BCKDHB: variants seen among roughly 807,000 people sequenced by gnomAD.
BCKDHB encodes 2-oxoisovalerate dehydrogenase subunit beta, mitochondrial.
A neutral mutation model predicts 48.5 loss-of-function variants in BCKDHB; 41 were observed. The observed-to-expected ratio is 0.85, with a 90% CI of 0.66 to 1.10. BCKDHB has a LOEUF of 1.10. Ranked by LOEUF, BCKDHB falls within the 50% of genes least tolerant of loss-of-function variation. The pLI, the probability that BCKDHB is intolerant of heterozygous loss-of-function variation, is 0.00. For synonymous variants in BCKDHB, 201 were observed against 174.8 expected, an observed-to-expected ratio of 1.15 and a Z score of -1.18; for missense variants, 496 against 494.2, an observed-to-expected ratio of 1.00 and a Z score of -0.03.
intron 3 of BCKDHB, among the ~76,000 whole-genome samples, chr6:80,149,950 C>T (rs537292948): frequency 8.0e-5 from 12 of 150,168 alleles, no homozygotes; most frequent in Admixed American, 5.4e-4. Context: ...GCACATTGTG[C>T]ACATGTACCC....
rs990877562 is a variant in BCKDHB, at chr6:80,190,370, T to C, written c.743-10564T>C. On this transcript the variant is annotated intron_variant, in intron 6 of 9. Transcript: ENST00000320393. Reference sequence around the variant, plus strand: ...CTTAGGGAAAGGATCAAGCTTGATATATGTTTATATTTAATACTTCTGAAA... The same window carrying C: ...CTTAGGGAAAGGATCAAGCTTGATACATGTTTATATTTAATACTTCTGAAA... Among the ~76,000 whole-genome samples, 4 of 152,344 alleles carry C rather than the reference T, an allele frequency of 2.6e-5. No homozygotes were observed. In the East Asian group the frequency reaches 7.7e-4, roughly 29 times the overall value.
Position 80,113,163 on chromosome 6 carries a change from G to A in BCKDHB, c.196+6274G>A, listed in dbSNP as rs553296469. 7.2e-4 allele frequency among the ~76,000 whole-genome samples: 109 copies of A among 152,328 alleles called. 1 individual carries two copies. Among genetic ancestry groups the A allele is most frequent in the African/African-American group, 2.4e-3 (100 of 41,584 alleles). On this transcript the variant is annotated intron_variant, in intron 1 of 9. Coordinates refer to ENST00000320393, the MANE Select transcript of BCKDHB (RefSeq NM_183050.4). Reference sequence around the variant, plus strand: ...AAACAAAGTTTAAGTCACCTGAAACGTGTGAATTCACCCTGGATGAGCTGC... The same window carrying A: ...AAACAAAGTTTAAGTCACCTGAAACATGTGAATTCACCCTGGATGAGCTGC...
chr6:80,421,208 G>T, the BCKDHB span, among the ~76,000 whole-genome samples: 1 of 152,086 alleles, frequency 6.6e-6, no homozygotes, highest in Non-Finnish European at 1.5e-5. Context: ...AGTTTCCCTT[G>T]TGTGCTCTCT....
chr6:80,449,418 G>T, the BCKDHB span, among the ~76,000 whole-genome samples: 1 of 152,080 alleles, frequency 6.6e-6, no homozygotes, highest in Non-Finnish European at 1.5e-5. Context: ...AAGGCCTTGT[G>T]CTGTTGGAGC....
the BCKDHB span, among the ~76,000 whole-genome samples, chr6:80,375,589 T>TA: frequency 6.6e-6 from 1 of 152,168 alleles, no homozygotes; most frequent in Non-Finnish European, 1.5e-5. Flanking sequence ...AAGTTGGACT[T>TA]ACCTTTTCTC....
At chr6:80,119,196 A>C (rs1405074633) in intron 1 of BCKDHB, among the ~76,000 whole-genome samples, 2 of 152,160 alleles carry the variant, frequency 1.3e-5, no homozygotes, top group Admixed American at 6.5e-5. Context: ...TGGTGTGAGA[A>C]TTGGTTGATC....
downstream of BCKDHB, chr6:80,346,288 C>A (rs1406677955): frequency 1.5e-4 from 23 of 151,228 alleles, no homozygotes; most frequent in Admixed American, 1.5e-3. Context: ...TGTATGTGTT[C>A]TTTTTTTTTC....
the BCKDHB span, among the ~76,000 whole-genome samples, chr6:80,364,569 T>C: frequency 3.3e-5 from 5 of 152,230 alleles, no homozygotes; most frequent in African/African-American, 1.2e-4. Flanking sequence ...ATTTCAGAGA[T>C]AAGTAGACTC....
the BCKDHB span, among the ~76,000 whole-genome samples, chr6:80,400,758 T>C: frequency 2.0e-5 from 3 of 151,994 alleles, no homozygotes; most frequent in Non-Finnish European, 4.4e-5. Context: ...TAAAGACACA[T>C]GCATGCATAT....
intron 8 of BCKDHB, among the ~76,000 whole-genome samples, chr6:80,270,277 A>G (rs1777681590): frequency 6.6e-6 from 1 of 152,174 alleles, no homozygotes; most frequent in African/African-American, 2.4e-5. Context: ...GAATTTTGAC[A>G]TAATACATTT....
chr6:80,296,308 C>A (rs1389206809), intron 9 of BCKDHB, among the ~76,000 whole-genome samples: 1 of 152,102 alleles, frequency 6.6e-6, no homozygotes, highest in African/African-American at 2.4e-5. Flanking sequence ...TAGGAAAAAA[C>A]CACAGTCAAA....
intron 6 of BCKDHB, among the ~76,000 whole-genome samples, chr6:80,191,834 G>A (rs1773908245): frequency 6.6e-6 from 1 of 152,192 alleles, no homozygotes; most frequent in Non-Finnish European, 1.5e-5. Context: ...GGAAGCAGGA[G>A]TCTAAAGTAG....
At chr6:80,210,874 TC>T (rs1420399217) in intron 8 of BCKDHB, among the ~76,000 whole-genome samples, 3 of 152,168 alleles carry the variant, frequency 2.0e-5, no homozygotes, top group Non-Finnish European at 4.4e-5. Flanking sequence ...TAATGGACTT[TC>T]CTGCTGACAT....
At chr6:80,423,935 A>G in the BCKDHB span, among the ~76,000 whole-genome samples, 5 of 152,334 alleles carry the variant, frequency 3.3e-5, no homozygotes, top group East Asian at 3.9e-4. Context: ...TTTAGAAAGC[A>G]TCTTTAAATG....
intron 9 of BCKDHB, among the ~76,000 whole-genome samples, chr6:80,275,783 T>A (rs1381814656): frequency 3.9e-5 from 6 of 151,940 alleles, no homozygotes; most frequent in Non-Finnish European, 8.8e-5. Flanking sequence ...CAATATCCTG[T>A]ATTGAGCTTC....
chr6:80,455,329 G>C, the BCKDHB span, among the ~76,000 whole-genome samples: 1 of 151,870 alleles, frequency 6.6e-6, no homozygotes, highest in Non-Finnish European at 1.5e-5. Flanking sequence ...AAGGTTTACA[G>C]TCTCCTTTTC....
At chr6:80,213,525 A>G (rs919987458) in intron 8 of BCKDHB, among the ~76,000 whole-genome samples, 1 of 152,082 alleles carries the variant, frequency 6.6e-6, no homozygotes, top group Admixed American at 6.5e-5. Flanking sequence ...CATCACAGCC[A>G]CTGTGCACTG....
intron 9 of BCKDHB, among the ~76,000 whole-genome samples, chr6:80,321,300 C>T (rs1768705244): frequency 6.6e-6 from 1 of 152,152 alleles, no homozygotes; most frequent in African/African-American, 2.4e-5. Flanking sequence ...ATCTAGAGAA[C>T]AGAATATCAT....
intron 9 of BCKDHB, among the ~76,000 whole-genome samples, chr6:80,332,667 A>G (rs1769369746): frequency 6.7e-6 from 1 of 149,744 alleles, no homozygotes; most frequent in Non-Finnish European, 1.5e-5. Flanking sequence ...AGTTTAATTT[A>G]TTGATGAAGC....
Sources: allele counts gnomAD v4.1 joint callset (sites outside exome capture counted in the v4.1 genomes callset), GRCh38; gene constraint gnomAD v4.1.1; transcripts MANE v1.5; gene names NCBI Gene and HGNC (gene_info 2026-07-23, HGNC 2026-07-21).